Variants in SOCS5 observed in about 807,000 individuals in gnomAD.
SOCS5 encodes suppressor of cytokine signaling 5, also known as CIS-6.
Under a neutral mutation model 42.8 loss-of-function variants are expected in SOCS5, and 32 were observed. The ratio of observed to expected loss-of-function variants is 0.75; its 90% confidence interval spans 0.56 to 1.01. The LOEUF (loss-of-function observed/expected upper bound fraction) is 1.01, where lower values mean the gene tolerates loss of function less well. Ranked by LOEUF, SOCS5 falls within the 50% of genes least tolerant of loss-of-function variation. The pLI is 0.00. For missense variants in SOCS5, 627 were observed against 653.0 expected (o/e 0.96, Z 0.43); for synonymous variants, 283 against 229.6 (o/e 1.23, Z -2.10).
intron 1 of SOCS5, among the ~76,000 whole-genome samples, chr2:46,715,783 C>T (rs375481947): frequency 1.3e-5 from 2 of 152,060 alleles, no homozygotes; most frequent in East Asian, 3.8e-4. Context: ...CTTTGTGTGG[C>T]TTTTTGGAAG....
chr2:46,702,054 T>C, intron 1 of SOCS5, among the ~76,000 whole-genome samples: 1 of 151,934 alleles, frequency 6.6e-6, no homozygotes. Flanking sequence ...AGGCAAGTGA[T>C]TTAACCACTG....
chr2:46,759,707 G>C lies in SOCS5; in HGVS notation c.1177G>C (p.Ala393Pro). ...WGVMDRYEAE[A>P]LLEGKPEGTF... ...AGTGATGGACCGTTATGAAGCAGAAGCCCTTCTCGAAGGGAAACCTGAAGG... is the reference window on the plus strand; with the variant it reads ...AGTGATGGACCGTTATGAAGCAGAACCCCTTCTCGAAGGGAAACCTGAAGG... The change falls in exon 2 of 2, where the codon GCC becomes CCC. Residue 393 changes from alanine to proline, a missense_variant. Ala to Pro is a conservative substitution (Grantham distance 27). Around this residue, in one of 3 missense-constraint regions of SOCS5, gnomAD observed 340 missense variants for 367.6 expected, o/e 0.92. Coordinates refer to ENST00000394861, the MANE Select transcript of SOCS5 (RefSeq NM_144949.3). The C allele has an allele frequency of 1.9e-6, 3 of 1,614,128 alleles. No individual in the cohort carries two copies. Among genetic ancestry groups the C allele is most frequent in the Non-Finnish European group, 2.5e-6 (3 of 1,179,982 alleles).
At chr2:46,736,821 C>G (rs928668682) in intron 1 of SOCS5, among the ~76,000 whole-genome samples, 2 of 151,084 alleles carry the variant, frequency 1.3e-5, no homozygotes, top group Admixed American at 6.6e-5. Context: ...TGCTTGGGAC[C>G]AGAAGTGTTT....
intron 1 of SOCS5, among the ~76,000 whole-genome samples, chr2:46,723,887 TC>T (rs1019679827): frequency 1.3e-5 from 2 of 152,072 alleles, no homozygotes; most frequent in African/African-American, 4.8e-5. Context: ...TGTTGAGTCT[TC>T]CAGGCCTTGA....
chr2:46,742,895 A>T (rs947668974), intron 1 of SOCS5, among the ~76,000 whole-genome samples: 2 of 152,036 alleles, frequency 1.3e-5, no homozygotes, highest in African/African-American at 4.8e-5. Context: ...AGAACTCCTG[A>T]CCTTGTGACC....
At chr2:46,721,013 A>G (rs928737024) in intron 1 of SOCS5, among the ~76,000 whole-genome samples, 1 of 152,102 alleles carries the variant, frequency 6.6e-6, no homozygotes, top group African/African-American at 2.4e-5. Flanking sequence ...GTCAAATCCA[A>G]ATCAGAGGTG....
At chr2:46,719,101 A>T (rs910996258) in intron 1 of SOCS5, among the ~76,000 whole-genome samples, 1 of 152,198 alleles carries the variant, frequency 6.6e-6, no homozygotes, top group Non-Finnish European at 1.5e-5. Context: ...GTTCTTTAAA[A>T]TTTTTATTTA....
chr2:46,715,338 C>T (rs1027212898), intron 1 of SOCS5, among the ~76,000 whole-genome samples: 1 of 148,336 alleles, frequency 6.7e-6, no homozygotes, highest in Non-Finnish European at 1.5e-5. Context: ...TGCCACTGTG[C>T]TTGAGCCTGG....
chr2:46,739,124 C>A (rs959190067), intron 1 of SOCS5, among the ~76,000 whole-genome samples: 2 of 152,082 alleles, frequency 1.3e-5, no homozygotes, highest in South Asian at 4.1e-4. Context: ...TCGACTGTGC[C>A]AAATTTTATT....
chr2:46,752,764 T>G (rs897561286), intron 1 of SOCS5, among the ~76,000 whole-genome samples: 8 of 152,204 alleles, frequency 5.3e-5, no homozygotes, highest in African/African-American at 1.4e-4. Flanking sequence ...TTTTAAAAAT[T>G]CAATTTGTTG....
chr2:46,704,483 G>C (rs781352524), intron 1 of SOCS5, among the ~76,000 whole-genome samples: 3 of 152,170 alleles, frequency 2.0e-5, no homozygotes, highest in Non-Finnish European at 4.4e-5. Context: ...TCGGAGGCTG[G>C]GTAGAGAAAA....
At chr2:46,709,892 C>A (rs1325310173) in intron 1 of SOCS5, among the ~76,000 whole-genome samples, 1 of 152,100 alleles carries the variant, frequency 6.6e-6, no homozygotes, top group Non-Finnish European at 1.5e-5. Flanking sequence ...TTTGTTTTCT[C>A]CTTACATACT....
At position 46,721,652 on chromosome 2, in the gene SOCS5, T is replaced by C. The variant is rs561588927; in HGVS notation, c.-13+22203T>C. 1.4e-4 allele frequency among the ~76,000 whole-genome samples: 21 copies of C among 152,326 alleles called. No homozygotes were observed. The East Asian group carries it at 2.5e-3, about 18-fold the overall frequency. ...GGTCACTTACTTAAATAGTTTTTAG[T>C]CATCTGGTTAGTCTACTAACTTTTA... On this transcript the variant is annotated intron_variant, in intron 1 of 1. Transcript: ENST00000394861.
chr2:46,708,710 A>T (rs890748479), intron 1 of SOCS5, among the ~76,000 whole-genome samples: 3 of 152,102 alleles, frequency 2.0e-5, no homozygotes, highest in African/African-American at 7.2e-5. Flanking sequence ...ACACTGTACC[A>T]GTTGGGATCT....
intron 1 of SOCS5, among the ~76,000 whole-genome samples, chr2:46,701,524 T>G (rs1474081570): frequency 6.6e-6 from 1 of 152,180 alleles, no homozygotes; most frequent in African/African-American, 2.4e-5. Flanking sequence ...GTCCAGAGAT[T>G]GCTTTATCAC....
At chr2:46,751,462 T>A (rs1673620943) in intron 1 of SOCS5, among the ~76,000 whole-genome samples, 1 of 152,126 alleles carries the variant, frequency 6.6e-6, no homozygotes, top group East Asian at 1.9e-4. Flanking sequence ...AGTGTTTTTT[T>A]TTATTATAAG....
intron 1 of SOCS5, among the ~76,000 whole-genome samples, chr2:46,753,350 C>G (rs1009498301): frequency 6.6e-6 from 1 of 152,164 alleles, no homozygotes; most frequent in East Asian, 1.9e-4. Flanking sequence ...GGTACTACTA[C>G]AAATTTTAAT....
At chr2:46,701,610 T>C (rs1672345277) in intron 1 of SOCS5, among the ~76,000 whole-genome samples, 1 of 151,838 alleles carries the variant, frequency 6.6e-6, no homozygotes, top group Non-Finnish European at 1.5e-5. Context: ...TTTGTTCCCT[T>C]CTAAGGATGA....
intron 1 of SOCS5, among the ~76,000 whole-genome samples, chr2:46,726,343 G>T (rs113371671): frequency 3.0e-4 from 46 of 152,086 alleles, no homozygotes; most frequent in Non-Finnish European, 5.0e-4. Flanking sequence ...TGATCCACCC[G>T]CCTCGACCTC....
Sources: gnomAD v4.1 joint callset for allele counts (sites outside exome capture counted in the v4.1 genomes callset) on GRCh38, gnomAD v4.1.1 for gene constraint, gnomAD v4.1.1 regional missense constraint, MANE v1.5 for transcripts, NCBI Gene and HGNC (gene_info 2026-07-23, HGNC 2026-07-21) for gene names.